Variants in RASSF5 observed in about 807,000 individuals in gnomAD.
RASSF5 encodes ras association domain-containing protein 5.
RASSF5 carries 25 observed loss-of-function variants against 40.5 expected under a neutral mutation model. That is an observed-to-expected ratio of 0.62 (90% CI 0.45 to 0.86). The LOEUF (loss-of-function observed/expected upper bound fraction) is 0.86. Among genes scored for constraint, RASSF5 ranks in the 40% least tolerant of loss-of-function variants. The pLI is 0.00. For synonymous variants in RASSF5, 246 were observed against 252.4 expected (o/e 0.97, Z 0.24); for missense variants, 521 against 572.8 (o/e 0.91, Z 0.92).
intron 1 of RASSF5, among the ~76,000 whole-genome samples, chr1:206,523,951 A>ATATATTTTATATAT (rs1553396687): frequency 1.4e-4 from 16 of 112,960 alleles, no homozygotes; most frequent in African/African-American, 5.8e-4. Flanking sequence ...TTTATATATA[A>ATATATTTTATATAT]TATATATACC....
chr1:206,556,114 G>C (rs1667977738), intron 2 of RASSF5, among the ~76,000 whole-genome samples: 2 of 152,226 alleles, frequency 1.3e-5, no homozygotes, highest in Admixed American at 6.5e-5. Flanking sequence ...CCAGGCCTCT[G>C]AAGGCAGTTT....
At chr1:206,582,056 T>C (rs77681217) in intron 2 of RASSF5, among the ~76,000 whole-genome samples, 1,802 of 152,308 alleles carry the variant, frequency 0.012, 42 homozygotes, top group African/African-American at 0.041. Context: ...CCAAGTCTGC[T>C]ACACTTGAAC....
rs1553408293 is a variant in RASSF5, at chr1:206,588,755, C to T, written c.*1777C>T. 6.5e-6 allele frequency: 1 copy of T among 152,780 alleles called. No homozygotes were observed. Among genetic ancestry groups the T allele is most frequent in the Non-Finnish European group, 1.5e-5 (1 of 68,046 alleles). The allele number at this position is 152,780 out of a possible 1,614,324, so 9.5% of individuals were successfully genotyped here. On this transcript the variant is annotated 3_prime_UTR_variant, in exon 6 of 6. Transcript: ENST00000579436. ...AACCACAAAAACCCTGGTTAGCCAT[C>T]TCATGCTCAGCCTTATCACTTCCCT...
rs570942462 is a variant in RASSF5 at position 206,581,683 on chromosome 1, AAGG to A, written c.580-1581_580-1579del. ...AAGGAAGGAAGGAAGGAAAGAAAGA[AAGG>A]AGGATGTCAGCTGTGCTGAGGGGTT... On this transcript the variant is annotated intron_variant, in intron 2 of 5. Coordinates refer to ENST00000579436, the MANE Select transcript of RASSF5 (RefSeq NM_182663.4). Among the ~76,000 whole-genome samples, 3 of 151,644 alleles carry A rather than the reference AAGG, an allele frequency of 2.0e-5. No homozygotes were observed. In the South Asian group the frequency reaches 6.2e-4, roughly 32 times the overall value.
At chr1:206,581,582 GAGGGAGACGAAAGA>G (rs1668876002) in intron 2 of RASSF5, among the ~76,000 whole-genome samples, 1 of 151,694 alleles carries the variant, frequency 6.6e-6, no homozygotes, top group Non-Finnish European at 1.5e-5. Context: ...CTGGGTGACA[GAGGGAGACGAAAGA>G]AAAGAAAGAA....
At chr1:206,583,762 A>G (rs950825790) in intron 3 of RASSF5, 7 of 230,766 alleles carry the variant, frequency 3.0e-5, no homozygotes, top group Admixed American at 5.2e-5. Flanking sequence ...AGAGAGGGAC[A>G]TACTCTCTCA....
intron 2 of RASSF5, among the ~76,000 whole-genome samples, chr1:206,578,100 CT>C (rs1668722222): frequency 7.0e-6 from 1 of 143,328 alleles, no homozygotes; most frequent in African/African-American, 2.5e-5. Flanking sequence ...GTGGCACATG[CT>C]TGTAGTCCCA....
intron 5 of RASSF5, chr1:206,586,451 G>A (rs7535580): frequency 0.18 from 34,444 of 193,890 alleles, 3,271 homozygotes; most frequent in East Asian, 0.26. Context: ...GCCCAACCCC[G>A]GTCTCCTGAG....
intron 1 of RASSF5, among the ~76,000 whole-genome samples, chr1:206,514,886 C>A (rs917694479): frequency 6.6e-6 from 1 of 152,206 alleles, no homozygotes; most frequent in Non-Finnish European, 1.5e-5. Flanking sequence ...GCAGAAATAA[C>A]TTTTGTTGCA....
At chr1:206,533,361 G>A (rs1370072383) in intron 1 of RASSF5, among the ~76,000 whole-genome samples, 3 of 152,102 alleles carry the variant, frequency 2.0e-5, no homozygotes, top group African/African-American at 4.8e-5. Flanking sequence ...ACTAGAAACC[G>A]CCATCTGTTT....
intron 2 of RASSF5, chr1:206,557,445 C>T: frequency 3.5e-6 from 5 of 1,437,008 alleles, no homozygotes; most frequent in South Asian, 2.9e-5. Context: ...GACCAGCTCC[C>T]GGCTCGGGGC....
intron 2 of RASSF5, among the ~76,000 whole-genome samples, chr1:206,580,093 G>A (rs570827322): frequency 6.6e-6 from 1 of 152,322 alleles, no homozygotes; most frequent in South Asian, 2.1e-4. Context: ...AGTCAGCCCT[G>A]GAAGGCAGAG....
rs1344887778 is a variant in RASSF5, at chr1:206,551,560, C to T, written c.579+13267C>T. 4.0e-4 allele frequency among the ~76,000 whole-genome samples: 61 copies of T among 152,244 alleles called. 1 individual carries two copies. The highest frequency in any genetic ancestry group is 4.4e-5 in the Non-Finnish European group (3 of 68,032). ...GGAGCCTCTCCAAGGCCTATCTGAC[C>T]AGCCCCAGATGGGCCCAGCCCACGC... On this transcript the variant is annotated intron_variant, in intron 2 of 5. Transcript: ENST00000579436.
At chr1:206,573,376 C>G (rs1450090528) in intron 2 of RASSF5, among the ~76,000 whole-genome samples, 6 of 152,142 alleles carry the variant, frequency 3.9e-5, no homozygotes, top group Non-Finnish European at 5.9e-5. Context: ...GAGTCAGAAG[C>G]CAAATACACA....
At chr1:206,576,224 T>A (rs538375979) in intron 2 of RASSF5, among the ~76,000 whole-genome samples, 1 of 152,348 alleles carries the variant, frequency 6.6e-6, no homozygotes, top group South Asian at 2.1e-4. Flanking sequence ...CTCTATAGGC[T>A]CTTGCAGTAT....
chr1:206,566,478 C>T lies in RASSF5; in HGVS notation c.580-16791C>T, dbSNP rs1382683056. ...TATCCTCCTCATCTCCAGGCTCTCCCCCATGTGGTGAGTGGTGGTGAACTG... is the reference window on the plus strand; with the variant it reads ...TATCCTCCTCATCTCCAGGCTCTCCTCCATGTGGTGAGTGGTGGTGAACTG... On this transcript the variant is annotated intron_variant, in intron 2 of 5. Transcript: ENST00000579436. Among the ~76,000 whole-genome samples, 4 of 152,290 alleles carry T rather than the reference C, an allele frequency of 2.6e-5. No individual in the cohort carries two copies. The East Asian group carries it at 7.7e-4, about 29-fold the overall frequency.
At chr1:206,554,486 T>G (rs1667927961) in intron 2 of RASSF5, among the ~76,000 whole-genome samples, 1 of 152,332 alleles carries the variant, frequency 6.6e-6, no homozygotes, top group East Asian at 1.9e-4. Flanking sequence ...TCAATGGGGC[T>G]TTCTGAACCC....
Position 206,587,438 on chromosome 1 carries a change from G to A in RASSF5, c.*460G>A, listed in dbSNP as rs1319342004. 4.2e-6 allele frequency: 1 copy of A among 239,304 alleles called. No individual in the cohort carries two copies. The highest frequency in any genetic ancestry group is 8.3e-6 in the Non-Finnish European group (1 of 120,250). 14.8% of individuals were successfully genotyped at this position (239,304 alleles called of 1,614,324 possible). A position where few individuals can be genotyped will look rare whatever the true frequency, so the allele number is the denominator to read the frequency against. On this transcript the variant is annotated 3_prime_UTR_variant, in exon 6 of 6. Transcript: ENST00000579436. ...AAGTTGTAGCACATTCCTTTTGCAG[G>A]TCTGAGCTAAGCCCCTGAAAGCAGG...
chr1:206,566,943 A>G (rs1284784774), intron 2 of RASSF5, among the ~76,000 whole-genome samples: 4 of 152,152 alleles, frequency 2.6e-5, no homozygotes, highest in African/African-American at 9.7e-5. Context: ...CTTCTTTCCC[A>G]GGGGACATGA....
Sources: allele counts gnomAD v4.1 joint callset (sites outside exome capture counted in the v4.1 genomes callset), GRCh38; gene constraint gnomAD v4.1.1; transcripts MANE v1.5; gene names NCBI Gene and HGNC (gene_info 2026-07-23, HGNC 2026-07-21).